The following GRM4 variants were observed in gnomAD, a reference collection of about 807,000 sequenced individuals.
GRM4 encodes metabotropic glutamate receptor 4.
In GRM4, 28 loss-of-function variants were observed where a neutral mutation model predicts 81.7. That is an observed-to-expected ratio of 0.34 (90% CI 0.25 to 0.47). The LOEUF (loss-of-function observed/expected upper bound fraction) is 0.47. Ranked by LOEUF, GRM4 falls within the 20% of genes least tolerant of loss-of-function variation. The pLI is 1.00. For missense variants in GRM4, 948 were observed against 1,290.0 expected (o/e 0.73, Z 4.06); for synonymous variants, 488 against 528.8 (o/e 0.92, Z 1.06).
chr6:34,092,036 A>G lies in GRM4; in HGVS notation c.583T>C (p.Phe195Leu), dbSNP rs1411550543. 1.2e-6 allele frequency: 2 copies of G among 1,613,928 alleles called. No homozygotes were observed. Among genetic ancestry groups the G allele is most frequent in the African/African-American group, 1.3e-5 (1 of 74,940 alleles). The change falls in exon 3 of 11, where the codon TTC (phenylalanine) becomes CTC (leucine). Residue 195 changes from phenylalanine to leucine, a missense_variant. Phe to Leu is a conservative substitution (Grantham distance 22). Transcript: ENST00000538487. The surrounding 1 kb of genome is among the most constrained non-coding windows in gnomAD (Gnocchi z 6.8). ...GTGTCCGAGGGCACCACGCGGGAGA[A>G]GAAGTCGTAGCGGCTGTTGTCACTC... ...DLSDNSRYDF[F>L]SRVVPSDTYQ...
chr6:34,121,548 A>C lies in GRM4; in HGVS notation c.519+11430T>G, dbSNP rs909014687. 6.6e-6 allele frequency among the ~76,000 whole-genome samples: 1 copy of C among 152,086 alleles called. No individual in the cohort carries two copies. The highest frequency in any genetic ancestry group is 2.4e-5 in the African/African-American group (1 of 41,370). On this transcript the variant is annotated intron_variant, in intron 2 of 10. Coordinates refer to ENST00000538487, the MANE Select transcript of GRM4 (RefSeq NM_000841.4). The surrounding 1 kb of genome is among the most constrained non-coding windows in gnomAD (Gnocchi z 4.6). ...AGAGCTCCCCCTCCAGGAGATTTCA[A>C]CTCTGATAGTTTTCAATCCCTCTTC...
rs1764717602 is a variant in GRM4 at position 34,036,464 on chromosome 6, T to C, written c.1646A>G (p.Gln549Arg). 2 of 1,613,302 alleles carry C rather than the reference T, an allele frequency of 1.2e-6. No homozygotes were observed. Among genetic ancestry groups the C allele is most frequent in the Non-Finnish European group, 1.7e-6 (2 of 1,179,756 alleles). ...ACAGGTGTAGCGGTCCACCTGGTAC[T>C]GGTACCCTGTGCAAGGCTCGCAGTG... is the stretch of plus-strand genomic sequence containing the variant. ...CWHCEPCTGY[Q>R]YQVDRYTCKT... Residue 549 changes from glutamine (Q) to arginine (R), a missense_variant, in exon 9 of 11, where the codon CAG becomes CGG. By Grantham distance (43) the Gln-to-Arg change is conservative. Transcript: ENST00000538487. This position sits in a 1 kb window ranked among gnomAD's most constrained non-coding sequence, Gnocchi z 9.0.
rs1364361613 is a variant in GRM4, at chr6:34,080,647, C to A, written c.736+11236G>T. ...GTGGGATTGGGAGGCCCGGGTCCCA[C>A]CTTCTGAGTCCCTGAAAGTCCCAGA... On this transcript the variant is annotated intron_variant, in intron 3 of 10. Transcript: ENST00000538487. The surrounding 1 kb of genome is among the most constrained non-coding windows in gnomAD (Gnocchi z 5.4). 1.3e-5 allele frequency among the ~76,000 whole-genome samples: 2 copies of A among 152,160 alleles called. No individual in the cohort carries two copies.
At chr6:34,122,615 G>A (rs1246751992) in intron 2 of GRM4, among the ~76,000 whole-genome samples, 8 of 147,850 alleles carry the variant, frequency 5.4e-5, no homozygotes, top group African/African-American at 1.7e-4. Context: ...AGCGGTGGGC[G>A]GGGGGTGGGG....
rs1256018484 is a variant in GRM4 at position 34,130,511 on chromosome 6, G to A, written c.519+2467C>T. On this transcript the variant is annotated intron_variant, in intron 2 of 10. Transcript: ENST00000538487. The surrounding 1 kb of genome is among the most constrained non-coding windows in gnomAD (Gnocchi z 4.1). ...CACCATGAACCCCCAGGATGGTAAG[G>A]CTCTTCACCCCAGGCCCCTCACCCC... 2.0e-5 allele frequency among the ~76,000 whole-genome samples: 3 copies of A among 152,130 alleles called. No individual in the cohort carries two copies. Among genetic ancestry groups the A allele is most frequent in the African/African-American group, 7.2e-5 (3 of 41,436 alleles).
At chr6:34,150,557 C>G (rs1324677007), upstream of GRM4, among the ~76,000 whole-genome samples, 1 of 152,084 alleles carries the variant, frequency 6.6e-6, no homozygotes, top group Non-Finnish European at 1.5e-5. Flanking sequence ...TCAACTTGAG[C>G]CTTTCCAATT....
In GRM4 at chr6:34,068,261, G is replaced by T. The variant is rs958729108; in HGVS notation, c.737-6233C>A. ...AGGCAGAGGCTGGATCTGAACTCGG[G>T]TCTGACTATTCTCTAGGAGCTGCTG... On this transcript the variant is annotated intron_variant, in intron 3 of 10. Transcript: ENST00000538487. The surrounding 1 kb of genome is among the most constrained non-coding windows in gnomAD (Gnocchi z 4.2). Among the ~76,000 whole-genome samples the T allele has an allele frequency of 6.6e-6, 1 of 152,156 alleles. No homozygotes were observed. Among genetic ancestry groups the T allele is most frequent in the South Asian group, 2.1e-4 (1 of 4,824 alleles).
In GRM4 at chr6:34,020,624, A is replaced by C. The variant is rs1162017614; in HGVS notation, c.*2197T>G. ...TGACCGGGCTGGAGCACTGGGTGGA[A>C]TCTTTCCTGGGCAGAGGTCTTAGGA... On this transcript the variant is annotated 3_prime_UTR_variant, in exon 11 of 11. Transcript: ENST00000538487. 6.9e-6 allele frequency: 1 copy of C among 145,662 alleles called. No individual in the cohort carries two copies. The highest frequency in any genetic ancestry group is 1.5e-5 in the Non-Finnish European group (1 of 67,384). The allele number at this position is 145,662 out of a possible 1,614,324, so 9.0% of individuals were successfully genotyped here.
In GRM4 at chr6:34,136,871, A is replaced by C. The variant is rs1338202674; in HGVS notation, c.-363-3012T>G. Among the ~76,000 whole-genome samples the C allele has an allele frequency of 6.6e-6, 1 of 151,638 alleles. No individual in the cohort carries two copies. The highest frequency in any genetic ancestry group is 2.4e-5 in the African/African-American group (1 of 41,350). On this transcript the variant is annotated intron_variant, in intron 1 of 10. Coordinates refer to ENST00000538487, the MANE Select transcript of GRM4 (RefSeq NM_000841.4). This position sits in a 1 kb window ranked among gnomAD's most constrained non-coding sequence, Gnocchi z 4.1. ...TCCCTCCTTTGATCATGTAACAGGA[A>C]CAAGGGAAAAGTAAAAATACCCCAT... is the stretch of plus-strand genomic sequence containing the variant.
chr6:34,146,169 A>T, upstream of GRM4: 1 of 984,906 alleles, frequency 1.0e-6, no homozygotes, highest in Non-Finnish European at 1.2e-6. Context: ...CACGTGGCGT[A>T]TGCCCCCATG....
chr6:34,029,056 T>C (rs1335138881), intron 9 of GRM4, among the ~76,000 whole-genome samples: 1 of 152,146 alleles, frequency 6.6e-6, no homozygotes, highest in Non-Finnish European at 1.5e-5. Flanking sequence ...CATTTTACAA[T>C]AGTAGAGCCT....
In GRM4 at chr6:34,035,846, C is replaced by T; in HGVS notation, c.2264G>A (p.Cys755Tyr). The change falls in exon 9 of 11, where the codon TGC becomes TAC. Residue 755 changes from cysteine to tyrosine, a missense_variant. By Grantham distance (194) the Cys-to-Tyr change is radical. Transcript: ENST00000538487. This position sits in a 1 kb window ranked among gnomAD's most constrained non-coding sequence, Gnocchi z 6.6. Reference protein sequence around the residue: ...KCDISDLSLICLLGYSMLLMV... With the variant: ...KCDISDLSLIYLLGYSMLLMV... The stretch of plus-strand genomic sequence containing the variant: ...GAGCAGCATGCTGTAGCCCAGCAGG[C>T]AGATGAGCGACAGGTCCGAGATGTC... The T allele has an allele frequency of 6.2e-7, 1 of 1,612,492 alleles. No individual in the cohort carries two copies. Among genetic ancestry groups the T allele is most frequent in the East Asian group, 2.2e-5 (1 of 44,808 alleles).
Position 34,022,653 on chromosome 6 carries a change from C to T in GRM4, c.*168G>A. ...CCTCCTGTTGCTCACCCGGTTTGCC[C>T]AGGCTGCCAGCAGTGATGGCTGGGG... On this transcript the variant is annotated 3_prime_UTR_variant, in exon 11 of 11. Coordinates refer to ENST00000538487, the MANE Select transcript of GRM4 (RefSeq NM_000841.4). The surrounding 1 kb of genome is among the most constrained non-coding windows in gnomAD (Gnocchi z 5.6). 1.6e-6 allele frequency: 1 copy of T among 635,620 alleles called. No homozygotes were observed. 39.4% of individuals were successfully genotyped at this position (635,620 alleles called of 1,614,324 possible). A position where few individuals can be genotyped will look rare whatever the true frequency, so the allele number is the denominator to read the frequency against.
chr6:34,147,305 C>T (rs1403837090), upstream of GRM4, among the ~76,000 whole-genome samples: 1 of 152,190 alleles, frequency 6.6e-6, no homozygotes, highest in African/African-American at 2.4e-5. Context: ...GAGGAGTGCA[C>T]CCCGTGGCCA....
chr6:34,129,205 G>A (rs903112595), intron 2 of GRM4, among the ~76,000 whole-genome samples: 1 of 152,188 alleles, frequency 6.6e-6, no homozygotes, highest in South Asian at 2.1e-4. Flanking sequence ...AGTAGAGACG[G>A]GGTTTCACCA....
intron 3 of GRM4, among the ~76,000 whole-genome samples, chr6:34,084,978 TGCAGG>T (rs1767810854): frequency 6.6e-6 from 1 of 152,102 alleles, no homozygotes; most frequent in African/African-American, 2.4e-5. Flanking sequence ...ACCTACTGTG[TGCAGG>T]GCAGGTGCTA....
Position 34,089,291 on chromosome 6 carries a change from C to T in GRM4, c.736+2592G>A, listed in dbSNP as rs1306020835. ...GGCCAAAGACATCTTTAATCTTTCA[C>T]AGGGATTAGGCTACAAGGTACAGTG... On this transcript the variant is annotated intron_variant, in intron 3 of 10. Transcript: ENST00000538487. This position sits in a 1 kb window ranked among gnomAD's most constrained non-coding sequence, Gnocchi z 4.3. 6.6e-6 allele frequency among the ~76,000 whole-genome samples: 1 copy of T among 152,152 alleles called. No homozygotes were observed. The highest frequency in any genetic ancestry group is 1.5e-5 in the Non-Finnish European group (1 of 68,028).
intron 2 of GRM4, among the ~76,000 whole-genome samples, chr6:34,097,008 T>C (rs1392271849): frequency 1.3e-5 from 2 of 152,074 alleles, no homozygotes; most frequent in Non-Finnish European, 2.9e-5. Flanking sequence ...GCCCCGCACA[T>C]TCATTCATTT....
chr6:34,020,990 G>A lies in GRM4; in HGVS notation c.*1831C>T, dbSNP rs536449589. ...GGTGCAGGACCCAGGGGCAGGGCAG[G>A]AGGGGACGGCACAGGCAGCCCAGGC... On this transcript the variant is annotated 3_prime_UTR_variant, in exon 11 of 11. Transcript: ENST00000538487. 43 of 152,564 alleles carry A rather than the reference G, an allele frequency of 2.8e-4. No individual in the cohort carries two copies. The highest frequency in any genetic ancestry group is 1.0e-3 in the African/African-American group (42 of 41,580). 9.5% of individuals were successfully genotyped at this position (152,564 alleles called of 1,614,324 possible). A position where few individuals can be genotyped will look rare whatever the true frequency, so the allele number is the denominator to read the frequency against.
Sources: allele counts gnomAD v4.1 joint callset (sites outside exome capture counted in the v4.1 genomes callset), GRCh38; gene constraint gnomAD v4.1.1; non-coding constraint Gnocchi (gnomAD v3.1); transcripts MANE v1.5; gene names NCBI Gene and HGNC (gene_info 2026-07-23, HGNC 2026-07-21).